PARL: variants seen among roughly 807,000 people sequenced by gnomAD.
The protein encoded by PARL is presenilin associated rhomboid like.
In PARL, 44 loss-of-function variants were observed where a neutral mutation model predicts 51.6. The ratio of observed to expected loss-of-function variants is 0.85; its 90% CI spans 0.67 to 1.10. The LOEUF (loss-of-function observed/expected upper bound fraction) is 1.10, where lower values mean the gene tolerates loss of function less well. PARL is among the 50% of genes least tolerant of loss of function. The probability of loss-of-function intolerance (pLI) is 0.00; values close to 1 mark genes in which losing one functional copy is unlikely to be tolerated. For missense variants in PARL, 441 were observed against 469.5 expected, an observed-to-expected ratio of 0.94 and a Z score of 0.56; for synonymous variants, 172 against 164.0, an observed-to-expected ratio of 1.05 and a Z score of -0.37.
chr3:183,827,397 G>C (rs548789079), downstream of PARL, among the ~76,000 whole-genome samples: 53 of 151,504 alleles, frequency 3.5e-4, no homozygotes, highest in Non-Finnish European at 7.2e-4. Flanking sequence ...AGCTATGATT[G>C]CACCACTGAA....
chr3:183,852,814 A>G (rs1560399064), intron 4 of PARL, among the ~76,000 whole-genome samples: 1 of 152,382 alleles, frequency 6.6e-6, no homozygotes, highest in Admixed American at 6.5e-5. Context: ...AAGACAGGCA[A>G]TAACAGATGG....
Position 183,878,195 on chromosome 3 carries a change from C to T in PARL, c.125+6527G>A, listed in dbSNP as rs547311636. ...TTGTTGTCTGCTTGCTCTTTCACCGCCCAGTCCTTGGTGTTCAGTAGTCTA... is the reference window on the plus strand; with the variant it reads ...TTGTTGTCTGCTTGCTCTTTCACCGTCCAGTCCTTGGTGTTCAGTAGTCTA... On this transcript the variant is annotated intron_variant, in intron 1 of 9. Coordinates refer to ENST00000317096, the MANE Select transcript of PARL (RefSeq NM_018622.7). Among the ~76,000 whole-genome samples, 18 of 152,282 alleles carry T rather than the reference C, an allele frequency of 1.2e-4. No individual in the cohort carries two copies. In the South Asian group the frequency reaches 3.3e-3, roughly 28 times the overall value.
chr3:183,856,641 C>T (rs1577339378), intron 4 of PARL: 1 of 152,350 alleles, frequency 6.6e-6, no homozygotes, highest in African/African-American at 2.4e-5. Context: ...TACGGGTAAA[C>T]AGAAAGGGCA....
At chr3:183,875,327 A>G (rs760267363) in intron 1 of PARL, among the ~76,000 whole-genome samples, 1 of 147,760 alleles carries the variant, frequency 6.8e-6, no homozygotes, top group Non-Finnish European at 1.5e-5. Context: ...AGGCAGGAGA[A>G]TCGCTTGAAC....
intron 9 of PARL, among the ~76,000 whole-genome samples, chr3:183,831,183 T>C (rs180689204): frequency 3.9e-5 from 6 of 152,124 alleles, no homozygotes; most frequent in African/African-American, 1.4e-4. Flanking sequence ...CCCATATTGG[T>C]CAGGCTGGTC....
At chr3:183,873,186 T>TA (rs1357641287) in intron 1 of PARL, among the ~76,000 whole-genome samples, 4 of 152,016 alleles carry the variant, frequency 2.6e-5, no homozygotes, top group Admixed American at 2.6e-4. Context: ...TATCATAAAG[T>TA]AATAGGAATA....
intron 7 of PARL, among the ~76,000 whole-genome samples, chr3:183,836,217 C>CAAAAAAAAAAA (rs56354792): frequency 7.1e-5 from 6 of 84,256 alleles, no homozygotes; most frequent in African/African-American, 3.1e-4. Flanking sequence ...AACTCCATCT[C>CAAAAAAAAAAA]AAAAAAAAAA....
chr3:183,851,492 T>G (rs1490354561), intron 4 of PARL, among the ~76,000 whole-genome samples: 1 of 152,160 alleles, frequency 6.6e-6, no homozygotes, highest in Non-Finnish European at 1.5e-5. Flanking sequence ...GGAAAAAGAT[T>G]TGGAGAAACA....
At chr3:183,852,352 C>T (rs1289913686) in intron 4 of PARL, among the ~76,000 whole-genome samples, 4 of 151,818 alleles carry the variant, frequency 2.6e-5, no homozygotes, top group African/African-American at 7.3e-5. Flanking sequence ...GCTACAATAT[C>T]GACGAACCAT....
At chr3:183,855,920 C>T (rs1216151254) in intron 4 of PARL, among the ~76,000 whole-genome samples, 2 of 150,550 alleles carry the variant, frequency 1.3e-5, no homozygotes, top group East Asian at 2.0e-4. Context: ...CACACCACTA[C>T]ATTCTAGCCT....
chr3:183,854,516 T>C (rs1213166745), intron 4 of PARL, among the ~76,000 whole-genome samples: 1 of 152,106 alleles, frequency 6.6e-6, no homozygotes, highest in Non-Finnish European at 1.5e-5. Flanking sequence ...TCTACTTGTA[T>C]GAGGTATCTA....
chr3:183,853,342 C>T (rs1196090546), intron 4 of PARL, among the ~76,000 whole-genome samples: 2 of 152,108 alleles, frequency 1.3e-5, no homozygotes, highest in African/African-American at 4.8e-5. Flanking sequence ...GTAGGTGGAT[C>T]ATTTGAAGTC....
intron 4 of PARL, 101 bp downstream of exon 4, chr3:183,862,652 A>T: frequency 1.1e-6 from 1 of 876,542 alleles, no homozygotes; most frequent in East Asian, 2.5e-5. Context: ...CTTCTAAACC[A>T]CTGGTGAGCA....
intron 9 of PARL, among the ~76,000 whole-genome samples, 158 bp from the exon 10 acceptor site, chr3:183,829,867 T>C (rs748380542): frequency 6.6e-6 from 1 of 152,246 alleles, no homozygotes; most frequent in Non-Finnish European, 1.5e-5. Context: ...TTAGCTTTCA[T>C]ATTACAATAT....
chr3:183,849,649 C>T (rs1403910472), intron 4 of PARL, among the ~76,000 whole-genome samples: 2 of 151,510 alleles, frequency 1.3e-5, no homozygotes, highest in African/African-American at 2.4e-5. Context: ...GAAGAACATA[C>T]GTAAATGAAT....
intron 7 of PARL, among the ~76,000 whole-genome samples, 184 bp downstream of exon 7, chr3:183,840,386 T>TA (rs1330792375): frequency 6.6e-6 from 1 of 152,226 alleles, no homozygotes; most frequent in Non-Finnish European, 1.5e-5. Context: ...TACAAATGTA[T>TA]AAATTCTAAA....
intron 5 of PARL, among the ~76,000 whole-genome samples, chr3:183,842,908 G>A (rs1460918812): frequency 7.5e-6 from 1 of 133,296 alleles, no homozygotes; most frequent in Non-Finnish European, 1.6e-5. Context: ...TTGCTCTGTC[G>A]CCCCAGGCTG....
In PARL at chr3:183,868,024, T is replaced by G; in HGVS notation, c.162A>C (p.Arg54Ser). Residue 54 changes from arginine to serine, a missense_variant, in exon 2 of 10, where the codon AGA (arginine) becomes AGC (serine). Physicochemically the swap from Arg to Ser is moderately radical, Grantham distance 110. Transcript: ENST00000317096. ...GAGGTTCAACCTTCCTGGGTGCTTT[T>G]CTGAATCCGCATTTTTGTTGAATAA... ...NFFIQQKCGF[R>S]KAPRKVEPRR... The G allele has an allele frequency of 6.2e-7, 1 of 1,614,220 alleles. No individual in the cohort carries two copies. The highest frequency in any genetic ancestry group is 1.1e-5 in the South Asian group (1 of 91,090).
At chr3:183,828,882 C>T (rs1015999016), downstream of PARL, among the ~76,000 whole-genome samples, 1 of 152,166 alleles carries the variant, frequency 6.6e-6, no homozygotes, top group Non-Finnish European at 1.5e-5. Flanking sequence ...ACGAGGGTAA[C>T]ATGAATTCCA....
Sources: allele counts gnomAD v4.1 joint callset (sites outside exome capture counted in the v4.1 genomes callset), GRCh38; gene constraint gnomAD v4.1.1; transcripts MANE v1.5; gene names NCBI Gene and HGNC (gene_info 2026-07-23, HGNC 2026-07-21).